Variants in TENM2 observed in about 807,000 individuals in gnomAD.
The protein encoded by TENM2 is teneurin transmembrane protein 2.
In TENM2, 52 loss-of-function variants were observed where a neutral mutation model predicts 245.2. The observed-to-expected ratio is 0.21, with a 90% CI of 0.17 to 0.27. The LOEUF (loss-of-function observed/expected upper bound fraction) is 0.27, where lower values mean the gene tolerates loss of function less well. TENM2 is among the 10% of genes least tolerant of loss of function. The pLI is 1.00. For missense variants in TENM2, 3,046 were observed against 3,666.8 expected (o/e 0.83, Z 4.37); for synonymous variants, 1,363 against 1,438.9 (o/e 0.95, Z 1.19).
intron 2 of TENM2, among the ~76,000 whole-genome samples, chr5:167,447,382 T>C (rs1386867604): frequency 1.3e-5 from 2 of 152,266 alleles, no homozygotes; most frequent in Non-Finnish European, 2.9e-5. Flanking sequence ...AAAAGTACAT[T>C]TAAATTATTC....
intron 2 of TENM2, among the ~76,000 whole-genome samples, chr5:167,461,062 C>T (rs945146374): frequency 1.3e-5 from 2 of 152,180 alleles, no homozygotes; most frequent in African/African-American, 4.8e-5. Context: ...ACATGGGACT[C>T]ACTATAGCGC....
the TENM2 span, among the ~76,000 whole-genome samples, chr5:167,138,422 T>A: frequency 6.6e-6 from 1 of 152,104 alleles, no homozygotes; most frequent in Non-Finnish European, 1.5e-5. Context: ...GACACCTACA[T>A]AAAAGGCAAC....
intron 2 of TENM2, among the ~76,000 whole-genome samples, chr5:167,389,794 A>T (rs1761651521): frequency 6.6e-6 from 1 of 152,210 alleles, no homozygotes; most frequent in Non-Finnish European, 1.5e-5. Context: ...CCTTGAGCTC[A>T]GGAGTCACTG....
At chr5:168,251,311 T>C (rs1012533867) in intron 27 of TENM2, among the ~76,000 whole-genome samples, 2 of 152,156 alleles carry the variant, frequency 1.3e-5, no homozygotes, top group African/African-American at 2.4e-5. Context: ...GGCCAAAAAA[T>C]AATTAGCAGG....
chr5:167,925,987 G>A (rs248137), intron 3 of TENM2, among the ~76,000 whole-genome samples: 18,781 of 152,166 alleles, frequency 0.12, 1,530 homozygotes, highest in African/African-American at 0.23. Flanking sequence ...GAGGAGCAGA[G>A]AAGATCACTA....
At chr5:167,770,289 G>A (rs1763317616) in intron 2 of TENM2, among the ~76,000 whole-genome samples, 2 of 152,244 alleles carry the variant, frequency 1.3e-5, no homozygotes, top group South Asian at 2.1e-4. Flanking sequence ...TTCCAGACAA[G>A]GAAAGCAGGA....
intron 2 of TENM2, among the ~76,000 whole-genome samples, chr5:167,555,404 A>C (rs959892456): frequency 3.3e-5 from 5 of 152,164 alleles, no homozygotes; most frequent in African/African-American, 1.2e-4. Flanking sequence ...AAAAATTCAT[A>C]TTCAATATTA....
intron 13 of TENM2, among the ~76,000 whole-genome samples, chr5:168,176,981 C>T (rs1759415833): frequency 6.6e-6 from 1 of 152,220 alleles, no homozygotes; most frequent in South Asian, 2.1e-4. Context: ...GTATTATTGA[C>T]TTGGCCTCAT....
At chr5:167,803,791 G>T (rs529476163) in intron 2 of TENM2, among the ~76,000 whole-genome samples, 1 of 151,774 alleles carries the variant, frequency 6.6e-6, no homozygotes, top group East Asian at 1.9e-4. Flanking sequence ...TTCACTTATG[G>T]TAAGTGTACA....
At chr5:167,276,350 TTTTGTGTGTGTGTGTG>T in the TENM2 span, among the ~76,000 whole-genome samples, 168 of 143,712 alleles carry the variant, frequency 1.2e-3, no homozygotes, top group African/African-American at 4.0e-3. Flanking sequence ...AGCCTGTTCA[TTTTGTGTGTGTGTGTG>T]TGTGTGTGTG....
chr5:167,618,095 C>A (rs1431049176), intron 2 of TENM2, among the ~76,000 whole-genome samples: 1 of 152,086 alleles, frequency 6.6e-6, no homozygotes, highest in East Asian at 1.9e-4. Context: ...TTACCTGCCC[C>A]TCAAATGGGA....
chr5:168,235,182 C>T (rs1265026898), intron 25 of TENM2, among the ~76,000 whole-genome samples: 1 of 152,180 alleles, frequency 6.6e-6, no homozygotes, highest in East Asian at 1.9e-4. Context: ...TCATTCTTCA[C>T]GTGACTAATA....
At chr5:167,697,673 C>T (rs1051244186) in intron 2 of TENM2, among the ~76,000 whole-genome samples, 6 of 152,182 alleles carry the variant, frequency 3.9e-5, no homozygotes, top group African/African-American at 1.2e-4. Flanking sequence ...TACAGGCACC[C>T]GCCACCATGT....
At chr5:167,915,069 G>T (rs1238362159) in intron 3 of TENM2, among the ~76,000 whole-genome samples, 2 of 152,106 alleles carry the variant, frequency 1.3e-5, no homozygotes, top group African/African-American at 4.8e-5. Flanking sequence ...ATATTCACAG[G>T]TTCTGGAGAT....
chr5:166,998,872 G>A, the TENM2 span, among the ~76,000 whole-genome samples: 1 of 152,024 alleles, frequency 6.6e-6, no homozygotes, highest in Non-Finnish European at 1.5e-5. Context: ...ATTTGCAGAT[G>A]AAATATGTCT....
chr5:167,974,017 G>GAGGAGGAGGGA (rs1470297346), intron 4 of TENM2, among the ~76,000 whole-genome samples: 1 of 75,850 alleles, frequency 1.3e-5, no homozygotes, highest in Non-Finnish European at 2.2e-5. Flanking sequence ...GGGAGGGAGG[G>GAGGAGGAGGGA]AGGGAGGAAG....
chr5:168,102,929 T>G (rs1793936786), intron 9 of TENM2, among the ~76,000 whole-genome samples: 1 of 152,138 alleles, frequency 6.6e-6, no homozygotes, highest in South Asian at 2.1e-4. Context: ...GTGCACAACG[T>G]GCATGTTTGT....
At position 167,989,590 on chromosome 5, in the gene TENM2, G is replaced by T. The variant is rs139443094; in HGVS notation, c.948-3354G>T. ...AGCTTGGTTCCATGTTGAAACTTAGGTCTCATCTTTCAGGCATGGAAGGAT... is the reference window on the plus strand; with the variant it reads ...AGCTTGGTTCCATGTTGAAACTTAGTTCTCATCTTTCAGGCATGGAAGGAT... On this transcript the variant is annotated intron_variant, in intron 4 of 28. Coordinates refer to ENST00000518659, the Ensembl canonical transcript of TENM2. 2.2e-3 allele frequency among the ~76,000 whole-genome samples: 340 copies of T among 152,272 alleles called. 1 individual carries two copies. The highest frequency in any genetic ancestry group is 7.9e-3 in the African/African-American group (329 of 41,546).
chr5:167,442,603 C>G (rs901507229), intron 2 of TENM2, among the ~76,000 whole-genome samples: 5 of 151,830 alleles, frequency 3.3e-5, no homozygotes, highest in Admixed American at 2.6e-4. Context: ...ATCCTTTTAA[C>G]TAGTATTTCT....
Sources: allele counts gnomAD v4.1 joint callset (sites outside exome capture counted in the v4.1 genomes callset), GRCh38; gene constraint gnomAD v4.1.1; transcripts MANE v1.5; gene names NCBI Gene and HGNC (gene_info 2026-07-23, HGNC 2026-07-21).